SLC9A1: variants seen among roughly 807,000 people sequenced by gnomAD.
The protein encoded by SLC9A1 is sodium/hydrogen exchanger 1.
SLC9A1 carries 22 observed loss-of-function variants against 67.9 expected under a neutral mutation model. The observed-to-expected ratio is 0.32, with a 90% confidence interval of 0.23 to 0.46. SLC9A1 has a LOEUF of 0.46. Ranked by LOEUF, SLC9A1 falls within the 20% of genes least tolerant of loss-of-function variation. The pLI is 1.00. For missense variants in SLC9A1, 686 were observed against 1,094.8 expected (o/e 0.63, Z 5.27); for synonymous variants, 421 against 471.8 (o/e 0.89, Z 1.40).
chr1:27,124,973 A>C (rs999030352), intron 1 of SLC9A1, among the ~76,000 whole-genome samples: 1 of 152,046 alleles, frequency 6.6e-6, no homozygotes, highest in Non-Finnish European at 1.5e-5. Context: ...GGTGCTCCTG[A>C]CAGGAAATTC....
At chr1:27,131,194 T>C (rs1278588614) in intron 1 of SLC9A1, among the ~76,000 whole-genome samples, 1 of 152,120 alleles carries the variant, frequency 6.6e-6, no homozygotes, top group African/African-American at 2.4e-5. Context: ...GGGTCAAGAA[T>C]TCAGGCAAGA....
intron 1 of SLC9A1, among the ~76,000 whole-genome samples, chr1:27,152,353 T>C (rs954536827): frequency 1.3e-5 from 2 of 152,084 alleles, no homozygotes; most frequent in Admixed American, 1.3e-4. Context: ...TAATGCCAGG[T>C]GTGGTGGGCA....
intron 1 of SLC9A1, among the ~76,000 whole-genome samples, chr1:27,147,981 C>T (rs985724894): frequency 5.3e-5 from 8 of 151,188 alleles, no homozygotes; most frequent in Non-Finnish European, 8.8e-5. Context: ...GCAAAAAGAG[C>T]GAAACTCTTG....
In SLC9A1 at chr1:27,114,523, T is replaced by C. The variant is rs2083252975; in HGVS notation, c.353-237A>G. Among the ~76,000 whole-genome samples the C allele has an allele frequency of 6.6e-6, 1 of 152,184 alleles. No individual in the cohort carries two copies. Among genetic ancestry groups the C allele is most frequent in the African/African-American group, 2.4e-5 (1 of 41,438 alleles). On this transcript the variant is annotated intron_variant, in intron 1 of 11. Transcript: ENST00000263980. The surrounding 1 kb of genome is among the most constrained non-coding windows in gnomAD (Gnocchi z 5.4). ...AAGTGACAGTGTTTTTAAAGCACTT[T>C]TTTCAAAGGATATATACATGCTATC...
Position 27,154,170 on chromosome 1 carries a change from G to A in SLC9A1, c.165C>T (p.Arg55=), listed in dbSNP as rs758625568. Residue 55 remains arginine, a synonymous_variant, in exon 1 of 12, where the codon CGC becomes CGT. Transcript: ENST00000263980. ...GAGCGGTGGTGACATCCCCAATCGA[G>A]CGTTCTCGTGGTGGCTCTGAGCTTC... ...TIRSSEPPRE[R]SIGDVTTAPP... 1.9e-6 allele frequency: 3 copies of A among 1,614,164 alleles called. No individual in the cohort carries two copies. Among genetic ancestry groups the A allele is most frequent in the Non-Finnish European group, 2.5e-6 (3 of 1,180,020 alleles).
At position 27,101,459 on chromosome 1, in the gene SLC9A1, G is replaced by C. The variant is rs991796063; in HGVS notation, c.2038-184C>G. Among the ~76,000 whole-genome samples the C allele has an allele frequency of 6.6e-6, 1 of 152,064 alleles. No individual in the cohort carries two copies. Among genetic ancestry groups the C allele is most frequent in the Non-Finnish European group, 1.5e-5 (1 of 68,004 alleles). On this transcript the variant is annotated intron_variant, in intron 10 of 11. Coordinates refer to ENST00000263980, the MANE Select transcript of SLC9A1 (RefSeq NM_003047.5). This position sits in a 1 kb window ranked among gnomAD's most constrained non-coding sequence, Gnocchi z 4.9. ...TCCTAAGGGCTCATCCCAGGCTCCT[G>C]TCACAGCCTCCCTGAATACACCTAC...
chr1:27,138,595 G>A (rs866388648), intron 1 of SLC9A1, among the ~76,000 whole-genome samples: 7 of 152,118 alleles, frequency 4.6e-5, no homozygotes, highest in Admixed American at 3.3e-4. Context: ...AAGAGATGAC[G>A]TTTGATCTAG....
chr1:27,129,734 C>CGGGG (rs2083372166), intron 1 of SLC9A1, among the ~76,000 whole-genome samples: 2 of 152,322 alleles, frequency 1.3e-5, no homozygotes, highest in South Asian at 4.1e-4. Context: ...CACTCCAAAA[C>CGGGG]TGGTCCTTGC....
intron 2 of SLC9A1, among the ~76,000 whole-genome samples, chr1:27,111,887 C>T (rs948185907): frequency 5.9e-5 from 9 of 152,162 alleles, no homozygotes; most frequent in African/African-American, 9.7e-5. Context: ...TCACTACCAC[C>T]GCTGCCACTG....
rs36107223 is a variant in SLC9A1, at chr1:27,135,525, GAAAA to G, written c.352+18454_352+18457del. Reference sequence around the variant, plus strand: ...TTTTTTTATTTCTTCCTTTTTTCTGGAAAAAAAAAAAAAAAAAAAAATCTGGAGG... The same window carrying G: ...TTTTTTTATTTCTTCCTTTTTTCTGGAAAAAAAAAAAAAAAAATCTGGAGG... On this transcript the variant is annotated intron_variant, in intron 1 of 11. Coordinates refer to ENST00000263980, the MANE Select transcript of SLC9A1 (RefSeq NM_003047.5). Among the ~76,000 whole-genome samples, 628 of 110,018 alleles carry G rather than the reference GAAAA, an allele frequency of 5.7e-3. 9 individuals are homozygous for G. Among genetic ancestry groups the G allele is most frequent in the African/African-American group, 0.02 (582 of 28,962 alleles). The allele number at this position is 110,018 out of a possible 152,430, so 72.2% of individuals were successfully genotyped here. A position where few individuals can be genotyped will look rare whatever the true frequency, so the allele number is the denominator to read the frequency against.
At position 27,107,712 on chromosome 1, in the gene SLC9A1, G is replaced by A; in HGVS notation, c.1218C>T (p.Ser406=). 1 of 1,577,248 alleles carries A rather than the reference G, an allele frequency of 6.3e-7. No individual in the cohort carries two copies. The highest frequency in any genetic ancestry group is 1.2e-5 in the South Asian group (1 of 86,128). ...TGACGAAGGTCCAGTTCCAGTGGTG[G>A]GAGCCGGCCACCGTGGAGACGCCGA... is the stretch of plus-strand genomic sequence containing the variant. ...IFLGVSTVAG[S]HHWNWTFVIS... Residue 406 remains serine, a synonymous_variant, in exon 4 of 12, where the codon TCC becomes TCT. Coordinates refer to ENST00000263980, the MANE Select transcript of SLC9A1 (RefSeq NM_003047.5).
At chr1:27,142,269 G>A (rs372127724) in intron 1 of SLC9A1, among the ~76,000 whole-genome samples, 1 of 152,226 alleles carries the variant, frequency 6.6e-6, no homozygotes, top group African/African-American at 2.4e-5. Flanking sequence ...GACTGACTCT[G>A]CCATTAATTC....
chr1:27,106,877 GACAGCC>G lies in SLC9A1; in HGVS notation c.1282+765_1282+770del, dbSNP rs1036249149. 2.0e-5 allele frequency among the ~76,000 whole-genome samples: 3 copies of G among 151,892 alleles called. No homozygotes were observed. Among genetic ancestry groups the G allele is most frequent in the Non-Finnish European group, 4.4e-5 (3 of 67,928 alleles). ...CTGTGGGCCTCAGGCCCCTCATCAG[GACAGCC>G]ACAGCCACAGGCTCAGAGTCTCAGG... On this transcript the variant is annotated intron_variant, in intron 4 of 11. Transcript: ENST00000263980. The surrounding 1 kb of genome is among the most constrained non-coding windows in gnomAD (Gnocchi z 4.3).
chr1:27,107,619 C>CGGTT (rs778498429), intron 4 of SLC9A1, 29 bp downstream of exon 4: 1 of 1,518,950 alleles, frequency 6.6e-7, no homozygotes, highest in East Asian at 2.5e-5. Flanking sequence ...ACACCACAAC[C>CGGTT]CCCACCCCGC....
At chr1:27,135,665 C>T (rs2083416245) in intron 1 of SLC9A1, among the ~76,000 whole-genome samples, 1 of 152,010 alleles carries the variant, frequency 6.6e-6, no homozygotes, top group Non-Finnish European at 1.5e-5. Flanking sequence ...CAAGAATGCT[C>T]AGAGCAGCTT....
chr1:27,109,729 T>C lies in SLC9A1; in HGVS notation c.862A>G (p.Ile288Val), dbSNP rs3738690. 28 of 1,612,422 alleles carry C rather than the reference T, an allele frequency of 1.7e-5. No homozygotes were observed. The East Asian group carries it at 6.2e-4, about 36-fold the overall frequency. The change falls in exon 3 of 12, where the codon ATC (isoleucine) becomes GTC (valine). Residue 288 changes from isoleucine (I) to valine (V), a missense_variant. Physicochemically the swap from Ile to Val is conservative, Grantham distance 29. This residue lies in a region of SLC9A1 where 58 missense variants were observed against 68.9 expected (regional missense o/e 0.84). Coordinates refer to ENST00000263980, the MANE Select transcript of SLC9A1 (RefSeq NM_003047.5). This position sits in a 1 kb window ranked among gnomAD's most constrained non-coding sequence, Gnocchi z 5.5. ...EEFANYEHVG[I>V]VDIFLGFLSF... ...AGGAAGCCGAGGAAGATGTCCACGA[T>C]GCCCACGTGTTCGTAGTTGGCAAAC...
intron 1 of SLC9A1, among the ~76,000 whole-genome samples, chr1:27,147,299 C>CAAAAAAAAAAAAAAAAAA (rs57583944): frequency 2.3e-5 from 1 of 43,956 alleles, no homozygotes; most frequent in African/African-American, 1.0e-4. Context: ...GACTCTGTCT[C>CAAAAAAAAAAAAAAAAAA]AAAAAAAAAA....
chr1:27,128,169 C>T (rs974408455), intron 1 of SLC9A1, among the ~76,000 whole-genome samples: 1 of 152,142 alleles, frequency 6.6e-6, no homozygotes, highest in Middle Eastern at 3.2e-3. Context: ...GAGCTCTGGT[C>T]CATCAATGAG....
chr1:27,153,072 A>G (rs2083540668), intron 1 of SLC9A1, among the ~76,000 whole-genome samples: 1 of 152,164 alleles, frequency 6.6e-6, no homozygotes, highest in Non-Finnish European at 1.5e-5. Flanking sequence ...CCTAGCAGGG[A>G]GACCAATACT....
Sources: allele counts gnomAD v4.1 joint callset (sites outside exome capture counted in the v4.1 genomes callset), GRCh38; gene constraint gnomAD v4.1.1; regional missense constraint gnomAD v4.1.1; non-coding constraint Gnocchi (gnomAD v3.1); transcripts MANE v1.5; gene names NCBI Gene and HGNC (gene_info 2026-07-23, HGNC 2026-07-21).